Variants in EDA observed in about 807,000 individuals in gnomAD.
EDA encodes ectodysplasin A, also known as ectodysplasin-A.
EDA carries 2 observed loss-of-function variants against 23.6 expected under a neutral mutation model. The observed-to-expected ratio is 0.08, with a 90% CI of 0.03 to 0.27. EDA has a LOEUF of 0.27. Ranked by LOEUF, EDA falls within the 10% of genes least tolerant of loss-of-function variation. The pLI is 1.00. For synonymous variants in EDA, 131 were observed against 132.0 expected (o/e 0.99, Z 0.05); for missense variants, 229 against 324.2 (o/e 0.71, Z 2.26).
intron 2 of EDA, among the ~76,000 whole-genome samples, chrX:69,977,159 T>A (rs2019329243): frequency 8.9e-6 from 1 of 112,224 alleles, no homozygotes; most frequent in Non-Finnish European, 1.9e-5. Context: ...GCTCTTTTAC[T>A]GCTATTCTGA....
At position 69,616,300 on chromosome X, in the gene EDA, C is replaced by G; in HGVS notation, c.-9C>G. ...CCGGGCCTCAAGAGAGTGGGTGTCT[C>G]CGGAGGCCATGGGCTACCCGGAGGT... On this transcript the variant is annotated 5_prime_UTR_variant, in exon 1 of 8. Transcript: ENST00000374552. The G allele has an allele frequency of 8.5e-7, 1 of 1,182,398 alleles. No homozygotes were observed. Among genetic ancestry groups the G allele is most frequent in the Non-Finnish European group, 1.1e-6 (1 of 885,492 alleles).
At chrX:69,670,181 CTGTT>C (rs1399996635) in intron 1 of EDA, 3 of 189,293 alleles carry the variant, frequency 1.6e-5, no homozygotes, top group Non-Finnish European at 2.5e-5. Context: ...TCTTGGCTGA[CTGTT>C]TTTTTTTTTT....
At chrX:70,004,547 G>A (rs189092989) in intron 2 of EDA, among the ~76,000 whole-genome samples, 17 of 112,057 alleles carry the variant, frequency 1.5e-4, no homozygotes, top group African/African-American at 4.5e-4. Flanking sequence ...AGCTTGCCAC[G>A]CATATTTGCA....
At chrX:69,849,535 A>G (rs1420434760) in intron 1 of EDA, among the ~76,000 whole-genome samples, 2 of 111,620 alleles carry the variant, frequency 1.8e-5, no homozygotes, top group East Asian at 2.8e-4. Flanking sequence ...TCCCACAGCA[A>G]TTCTCAACTC....
chrX:69,827,533 C>G (rs1032205440), intron 1 of EDA, among the ~76,000 whole-genome samples: 1 of 111,981 alleles, frequency 8.9e-6, no homozygotes, highest in African/African-American at 3.2e-5. Flanking sequence ...GTTCTCGAGC[C>G]TTGGTTTTCA....
chrX:69,940,582 AATC>A (rs1205500626), intron 1 of EDA, among the ~76,000 whole-genome samples: 1 of 108,700 alleles, frequency 9.2e-6, no homozygotes, highest in East Asian at 2.9e-4. Context: ...TTTCTACTCT[AATC>A]ATTATTATTT....
intron 1 of EDA, among the ~76,000 whole-genome samples, chrX:69,710,055 A>T (rs1340234567): frequency 9.0e-6 from 1 of 111,616 alleles, no homozygotes; most frequent in Non-Finnish European, 1.9e-5. Context: ...GGTGTTTTAT[A>T]CTTGAAGTCC....
chrX:69,829,463 G>C (rs1217367849), intron 1 of EDA, among the ~76,000 whole-genome samples: 2 of 112,083 alleles, frequency 1.8e-5, no homozygotes, highest in Admixed American at 1.9e-4. Flanking sequence ...AAAATGTAAA[G>C]ACAAGAAACT....
intron 1 of EDA, among the ~76,000 whole-genome samples, chrX:69,895,532 C>CT (rs2018001753): frequency 9.0e-6 from 1 of 110,898 alleles, no homozygotes; most frequent in Non-Finnish European, 1.9e-5. Context: ...ATTTTAAACA[C>CT]TTTAACACCA....
At chrX:69,692,441 C>T (rs1365181718) in intron 1 of EDA, among the ~76,000 whole-genome samples, 7 of 111,105 alleles carry the variant, frequency 6.3e-5, no homozygotes, top group Admixed American at 1.9e-4. Flanking sequence ...CATGTTTTGC[C>T]ATGGAATACA....
intron 1 of EDA, among the ~76,000 whole-genome samples, chrX:69,866,825 G>T (rs1461831859): frequency 8.9e-6 from 1 of 112,040 alleles, no homozygotes; most frequent in Admixed American, 9.4e-5. Flanking sequence ...CCTACTGCCT[G>T]CCGCACTTCT....
chrX:69,952,071 G>A (rs1207358852), intron 1 of EDA, among the ~76,000 whole-genome samples: 1 of 112,026 alleles, frequency 8.9e-6, no homozygotes, highest in African/African-American at 3.2e-5. Context: ...ACTGATTTTT[G>A]TCTTTACCAT....
chrX:69,939,454 A>C (rs2018725010), intron 1 of EDA, among the ~76,000 whole-genome samples: 1 of 111,366 alleles, frequency 9.0e-6, no homozygotes, highest in Non-Finnish European at 1.9e-5. Flanking sequence ...AACGTTACTG[A>C]ACTTGTTTAT....
At chrX:69,853,121 T>C (rs1474252888) in intron 1 of EDA, among the ~76,000 whole-genome samples, 1 of 111,523 alleles carries the variant, frequency 9.0e-6, no homozygotes, top group Admixed American at 9.6e-5. Flanking sequence ...ACAGAAATTA[T>C]CAGATAACAG....
chrX:69,920,315 T>C (rs1470701598), intron 1 of EDA, among the ~76,000 whole-genome samples: 1 of 111,395 alleles, frequency 9.0e-6, no homozygotes, highest in African/African-American at 3.3e-5. Flanking sequence ...CCCTATTACA[T>C]TAGTATGGTA....
intron 1 of EDA, among the ~76,000 whole-genome samples, chrX:69,719,220 G>GTT (rs35350948): frequency 9.7e-6 from 1 of 102,948 alleles, no homozygotes; most frequent in African/African-American, 3.6e-5. Context: ...CAATTGTATT[G>GTT]TTTTTTTTTT....
intron 1 of EDA, among the ~76,000 whole-genome samples, chrX:69,636,492 G>A (rs1185950581): frequency 3.6e-5 from 4 of 109,987 alleles, no homozygotes; most frequent in Admixed American, 9.8e-5. Context: ...ATCTGTGCAT[G>A]TTATTTAACT....
intron 1 of EDA, among the ~76,000 whole-genome samples, chrX:69,875,496 G>C (rs190598944): frequency 1.8e-3 from 201 of 111,785 alleles, no homozygotes; most frequent in Non-Finnish European, 3.5e-3. Context: ...ATGGATCAAG[G>C]ACTTAGAAAT....
At chrX:69,731,658 T>G (rs1229695631) in intron 1 of EDA, among the ~76,000 whole-genome samples, 1 of 111,413 alleles carries the variant, frequency 9.0e-6, no homozygotes, top group Non-Finnish European at 1.9e-5. Flanking sequence ...GCCAGGCTGG[T>G]CTCAAACTCC....
Sources: allele counts gnomAD v4.1 joint callset (sites outside exome capture counted in the v4.1 genomes callset), GRCh38; gene constraint gnomAD v4.1.1; transcripts MANE v1.5; gene names NCBI Gene and HGNC (gene_info 2026-07-23, HGNC 2026-07-21).